Variants in MLLT1 observed in about 807,000 individuals in gnomAD.
MLLT1 encodes protein ENL.
Under a neutral mutation model 55.1 loss-of-function variants are expected in MLLT1, and 11 were observed. That is an observed-to-expected ratio of 0.20 (90% CI 0.13 to 0.33). The LOEUF (loss-of-function observed/expected upper bound fraction) is 0.33. Ranked by LOEUF, MLLT1 falls within the 10% of genes least tolerant of loss-of-function variation. The probability of loss-of-function intolerance (pLI) is 1.00; values close to 1 mark genes in which losing one functional copy is unlikely to be tolerated. For synonymous variants in MLLT1, 323 were observed against 320.1 expected (o/e 1.01, Z -0.10); for missense variants, 536 against 760.6 (o/e 0.70, Z 3.47).
intron 1 of MLLT1, among the ~76,000 whole-genome samples, chr19:6,277,391 T>C (rs1337792568): frequency 1.3e-5 from 2 of 152,246 alleles, no homozygotes; most frequent in African/African-American, 4.8e-5. Flanking sequence ...TGCATCTGCA[T>C]TGCCCGACAG....
At position 6,230,184 on chromosome 19, in the gene MLLT1, C is replaced by T. The variant is rs2090995632; in HGVS notation, c.420+386G>A. 6.6e-6 allele frequency among the ~76,000 whole-genome samples: 1 copy of T among 152,204 alleles called. No homozygotes were observed. The highest frequency in any genetic ancestry group is 2.4e-5 in the African/African-American group (1 of 41,434). Reference sequence around the variant, plus strand: ...CAGAGCTGGCACTGTCGTCTGGCCTCCCGAAGTCAGAGGTGATGGCGATGC... The same window carrying T: ...CAGAGCTGGCACTGTCGTCTGGCCTTCCGAAGTCAGAGGTGATGGCGATGC... On this transcript the variant is annotated intron_variant, in intron 4 of 11. Transcript: ENST00000252674. The surrounding 1 kb of genome is among the most constrained non-coding windows in gnomAD (Gnocchi z 9.0).
chr19:6,227,564 C>T lies in MLLT1; in HGVS notation c.421-462G>A, dbSNP rs2090967368. On this transcript the variant is annotated intron_variant, in intron 4 of 11. Coordinates refer to ENST00000252674, the MANE Select transcript of MLLT1 (RefSeq NM_005934.4). The surrounding 1 kb of genome is among the most constrained non-coding windows in gnomAD (Gnocchi z 5.1). ...GTGCAACTCCAGTGGGTCCCACGTG[C>T]CCGGAGAATGAGCCGTCCTTGGTGT... is the stretch of plus-strand genomic sequence containing the variant. 6.6e-6 allele frequency among the ~76,000 whole-genome samples: 1 copy of T among 152,252 alleles called. No homozygotes were observed. The highest frequency in any genetic ancestry group is 2.4e-5 in the African/African-American group (1 of 41,458).
At chr19:6,214,914 G>A (rs1227149050) in intron 8 of MLLT1, among the ~76,000 whole-genome samples, 24 of 151,346 alleles carry the variant, frequency 1.6e-4, no homozygotes, top group Admixed American at 1.5e-3. Flanking sequence ...CGCAGGCTCC[G>A]TTCATCTCTT....
Position 6,233,023 on chromosome 19 carries a change from C to A in MLLT1, c.277-2310G>T, listed in dbSNP as rs188125716. On this transcript the variant is annotated intron_variant, in intron 3 of 11. Coordinates refer to ENST00000252674, the MANE Select transcript of MLLT1 (RefSeq NM_005934.4). Reference sequence around the variant, plus strand: ...CAAGGCAGAGCTCTGGGCCCGGCGTCCTCTGCACCCTCTTTATTCTCAGCC... The same window carrying A: ...CAAGGCAGAGCTCTGGGCCCGGCGTACTCTGCACCCTCTTTATTCTCAGCC... 4.1e-3 allele frequency among the ~76,000 whole-genome samples: 630 copies of A among 152,334 alleles called. 3 individuals are homozygous for A. Among genetic ancestry groups the A allele is most frequent in the African/African-American group, 0.013 (550 of 41,574 alleles).
chr19:6,255,659 A>G (rs2144927167), intron 3 of MLLT1, among the ~76,000 whole-genome samples: 1 of 152,374 alleles, frequency 6.6e-6, no homozygotes, highest in East Asian at 1.9e-4. Context: ...GATGTTTCAA[A>G]AATGACTAGA....
intron 3 of MLLT1, among the ~76,000 whole-genome samples, chr19:6,237,582 C>A (rs1420590398): frequency 2.7e-5 from 4 of 149,956 alleles, no homozygotes; most frequent in African/African-American, 9.9e-5. Flanking sequence ...ACAGTGAAAC[C>A]CCATCTCTAC....
Position 6,256,931 on chromosome 19 carries a change from A to G in MLLT1, c.276+5297T>C, listed in dbSNP as rs568111683. Among the ~76,000 whole-genome samples, 20 of 152,340 alleles carry G rather than the reference A, an allele frequency of 1.3e-4. No individual in the cohort carries two copies. Among genetic ancestry groups the G allele is most frequent in the African/African-American group, 4.6e-4 (19 of 41,568 alleles). The stretch of plus-strand genomic sequence containing the variant: ...ACGCTCTAACACCACTCGATGGCGA[A>G]AGAACAGTCTCTTCAGTGAACGGTG... On this transcript the variant is annotated intron_variant, in intron 3 of 11. Transcript: ENST00000252674. The surrounding 1 kb of genome is among the most constrained non-coding windows in gnomAD (Gnocchi z 4.1).
At chr19:6,278,304 G>A (rs1454438595) in intron 1 of MLLT1, among the ~76,000 whole-genome samples, 1 of 152,176 alleles carries the variant, frequency 6.6e-6, no homozygotes, top group Non-Finnish European at 1.5e-5. Flanking sequence ...AGAGGGGTAG[G>A]GGCTTGGGTA....
Position 6,212,636 on chromosome 19 carries a change from G to A in MLLT1, c.*406C>T, listed in dbSNP as rs768702134. 7 of 1,115,228 alleles carry A rather than the reference G, an allele frequency of 6.3e-6. No homozygotes were observed. The highest frequency in any genetic ancestry group is 3.3e-5 in the African/African-American group (2 of 61,386). 69.1% of individuals were successfully genotyped at this position (1,115,228 alleles called of 1,614,324 possible). Reference sequence around the variant, plus strand: ...GCGGAGGGTGTGTTCTGAACCATTCGGGAGGCTGGAGATGCCCCCCAGCCG... The same window carrying A: ...GCGGAGGGTGTGTTCTGAACCATTCAGGAGGCTGGAGATGCCCCCCAGCCG... On this transcript the variant is annotated 3_prime_UTR_variant, in exon 12 of 12. Transcript: ENST00000252674.
intron 3 of MLLT1, among the ~76,000 whole-genome samples, chr19:6,253,130 G>A (rs2091231709): frequency 6.6e-6 from 1 of 151,356 alleles, no homozygotes; most frequent in African/African-American, 2.4e-5. Flanking sequence ...GCCAGGTATG[G>A]TGGGCACACC....
chr19:6,233,052 TCC>T (rs1380853043), intron 3 of MLLT1, among the ~76,000 whole-genome samples: 7 of 152,098 alleles, frequency 4.6e-5, no homozygotes, highest in African/African-American at 1.7e-4. Flanking sequence ...CTCAGCCCTT[TCC>T]CCAGCAGCCT....
At chr19:6,237,150 G>C (rs147528676) in intron 3 of MLLT1, among the ~76,000 whole-genome samples, 60 of 152,374 alleles carry the variant, frequency 3.9e-4, no homozygotes, top group Non-Finnish European at 6.9e-4. Context: ...CAGGCGCCGA[G>C]TGGCCAGGCT....
intron 3 of MLLT1, among the ~76,000 whole-genome samples, chr19:6,239,113 G>A (rs193064640): frequency 6.6e-5 from 10 of 152,332 alleles, no homozygotes; most frequent in Non-Finnish European, 1.3e-4. Flanking sequence ...AAAGCCTCTC[G>A]CGTCCACAGA....
Position 6,238,698 on chromosome 19 carries a change from C to T in MLLT1, c.277-7985G>A, listed in dbSNP as rs375248459. Among the ~76,000 whole-genome samples, 26 of 152,370 alleles carry T rather than the reference C, an allele frequency of 1.7e-4. No homozygotes were observed. The East Asian group carries it at 3.9e-3, about 23-fold the overall frequency. On this transcript the variant is annotated intron_variant, in intron 3 of 11. Coordinates refer to ENST00000252674, the MANE Select transcript of MLLT1 (RefSeq NM_005934.4). ...AAGACAGTGGGGAACCAGGCAAGTC[C>T]CCGCCATGGAGCCCAGATGGAGCCC...
At chr19:6,278,019 C>T (rs1468441913) in intron 1 of MLLT1, among the ~76,000 whole-genome samples, 1 of 152,200 alleles carries the variant, frequency 6.6e-6, no homozygotes, top group African/African-American at 2.4e-5. Flanking sequence ...AAGCATGAGA[C>T]ACCTGTCTCC....
At chr19:6,263,945 G>GAGGGTGGGAGCAGGGGAGC (rs2091326042) in intron 2 of MLLT1, among the ~76,000 whole-genome samples, 1 of 149,426 alleles carries the variant, frequency 6.7e-6, no homozygotes, top group African/African-American at 2.5e-5. Context: ...GGTGGGGGAG[G>GAGGGTGGGAGCAGGGGAGC]AGGGTGGGAG....
intron 1 of MLLT1, among the ~76,000 whole-genome samples, chr19:6,277,666 C>T (rs567704821): frequency 6.6e-6 from 1 of 152,256 alleles, no homozygotes; most frequent in South Asian, 2.1e-4. Context: ...CCACCCAGAC[C>T]TCCAGGGTTC....
chr19:6,220,422 T>C (rs935237364), intron 6 of MLLT1, among the ~76,000 whole-genome samples: 3 of 152,228 alleles, frequency 2.0e-5, no homozygotes, highest in Non-Finnish European at 4.4e-5. Context: ...GGCGCTCTTC[T>C]TCGGCCAGGA....
chr19:6,211,716 G>C lies in MLLT1; in HGVS notation c.*1326C>G, dbSNP rs1004732389. The C allele has an allele frequency of 4.7e-6, 5 of 1,064,548 alleles. No homozygotes were observed. The Middle Eastern group carries it at 1.2e-3, about 264-fold the overall frequency. 65.9% of individuals were successfully genotyped at this position (1,064,548 alleles called of 1,614,324 possible). A position where few individuals can be genotyped will look rare whatever the true frequency, so the allele number is the denominator to read the frequency against. On this transcript the variant is annotated 3_prime_UTR_variant, in exon 12 of 12. Coordinates refer to ENST00000252674, the MANE Select transcript of MLLT1 (RefSeq NM_005934.4). The surrounding 1 kb of genome is among the most constrained non-coding windows in gnomAD (Gnocchi z 4.6). ...CTCGAGTCAATGTCTGGGAAACAGA[G>C]GCTAACCAGGCAGGCCTCCAGCCCC...
Sources: gnomAD v4.1 joint callset for allele counts (sites outside exome capture counted in the v4.1 genomes callset) on GRCh38, gnomAD v4.1.1 for gene constraint, Gnocchi (gnomAD v3.1) non-coding constraint, MANE v1.5 for transcripts, NCBI Gene and HGNC (gene_info 2026-07-23, HGNC 2026-07-21) for gene names.